PSMD5: variants seen among roughly 807,000 people sequenced by gnomAD.
The protein encoded by PSMD5 is proteasome 26S subunit, non-ATPase 5, also known as 26S proteasome non-ATPase regulatory subunit 5.
PSMD5 carries 40 observed loss-of-function variants against 52.1 expected under a neutral mutation model. The observed-to-expected ratio is 0.77, with a 90% CI of 0.60 to 1.00. The LOEUF (loss-of-function observed/expected upper bound fraction) is 1.00. PSMD5 is among the 50% of genes least tolerant of loss of function. The probability of loss-of-function intolerance (pLI) is 0.00; values close to 1 mark genes in which losing one functional copy is unlikely to be tolerated. For missense variants in PSMD5, 575 were observed against 605.2 expected, an observed-to-expected ratio of 0.95 and a Z score of 0.52; for synonymous variants, 211 against 226.6, an observed-to-expected ratio of 0.93 and a Z score of 0.62.
chr9:120,817,937 A>G lies in PSMD5; in HGVS notation c.1484T>C (p.Val495Ala), dbSNP rs1184093866. ...LSEGPYYVKP[V>A]STTAVEGAE ...GGCTCCTTCTACTGCTGTCGTGGAA[A>G]CAGGTTTCACATAGTATGGCCCTTC... Residue 495 changes from valine to alanine, a missense_variant, in exon 10 of 10, where the codon GTT becomes GCT. Coordinates refer to ENST00000210313, the MANE Select transcript of PSMD5 (RefSeq NM_005047.4). The G allele has an allele frequency of 1.2e-6, 2 of 1,613,652 alleles. No individual in the cohort carries two copies. The highest frequency in any genetic ancestry group is 2.7e-5 in the African/African-American group (2 of 75,052).
chr9:120,828,261 A>C (rs1361053924), intron 5 of PSMD5, among the ~76,000 whole-genome samples: 1 of 151,992 alleles, frequency 6.6e-6, no homozygotes, highest in East Asian at 1.9e-4. Flanking sequence ...CAGCCTCCCA[A>C]AGTGCTGGGA....
chr9:120,837,333 G>A (rs1209866839), intron 1 of PSMD5, among the ~76,000 whole-genome samples: 1 of 152,130 alleles, frequency 6.6e-6, no homozygotes, highest in East Asian at 1.9e-4. Flanking sequence ...AGAACCGAAT[G>A]TTTAATTTTG....
chr9:120,839,825 CAG>C (rs1238057945), intron 1 of PSMD5, among the ~76,000 whole-genome samples: 1 of 97,632 alleles, frequency 1.0e-5, no homozygotes, highest in African/African-American at 3.9e-5. Context: ...TTTTTTTAGA[CAG>C]AGTCTTGGCT....
chr9:120,838,584 G>C (rs1460385351), intron 1 of PSMD5, among the ~76,000 whole-genome samples: 2 of 152,172 alleles, frequency 1.3e-5, no homozygotes, highest in Non-Finnish European at 2.9e-5. Flanking sequence ...ATTCCCACAA[G>C]GTGCAGTTGG....
intron 4 of PSMD5, among the ~76,000 whole-genome samples, chr9:120,829,445 G>A (rs184316173): frequency 1.6e-3 from 250 of 152,304 alleles, no homozygotes; most frequent in African/African-American, 5.8e-3. Context: ...CTAGGCTGGA[G>A]TGCAGTGGCG....
intron 6 of PSMD5, among the ~76,000 whole-genome samples, chr9:120,825,394 T>C (rs2045115426): frequency 6.6e-6 from 1 of 152,206 alleles, no homozygotes; most frequent in South Asian, 2.1e-4. Context: ...ATCTTTATTG[T>C]GAACAATGTA....
intron 2 of PSMD5, among the ~76,000 whole-genome samples, chr9:120,832,169 A>C (rs909239298): frequency 6.6e-6 from 1 of 152,338 alleles, no homozygotes; most frequent in East Asian, 1.9e-4. Flanking sequence ...TAAAGAGGTA[A>C]GATAGTTCAG....
Position 120,826,922 on chromosome 9 carries a change from G to A in PSMD5, c.672-15C>T. 1.3e-6 allele frequency: 2 copies of A among 1,599,368 alleles called. No individual in the cohort carries two copies. The highest frequency in any genetic ancestry group is 1.7e-6 in the Non-Finnish European group (2 of 1,172,460). The stretch of plus-strand genomic sequence containing the variant: ...TACAGGTGGCTCTAAAATGTCAGAA[G>A]GACAAAAACAAGGAGATTTTGCACA... On this transcript the variant is annotated splice_polypyrimidine_tract_variant and intron_variant, in intron 5 of 9. Transcript: ENST00000210313.
intron 9 of PSMD5, among the ~76,000 whole-genome samples, chr9:120,819,993 G>C (rs1353582046): frequency 3.3e-5 from 5 of 152,040 alleles, no homozygotes; most frequent in Non-Finnish European, 5.9e-5. Context: ...TCCCATTATT[G>C]ATATGATTAC....
Position 120,826,878 on chromosome 9 carries a change from A to C in PSMD5, c.701T>G (p.Leu234Arg). 6.2e-7 allele frequency: 1 copy of C among 1,611,642 alleles called. No homozygotes were observed. Among genetic ancestry groups the C allele is most frequent in the Non-Finnish European group, 8.5e-7 (1 of 1,178,766 alleles). Residue 234 changes from leucine (L) to arginine (R), a missense_variant, in exon 6 of 10, where the codon CTG (leucine) becomes CGG (arginine). Physicochemically the swap from Leu to Arg is moderately radical, Grantham distance 102 (BLOSUM62 -2). Coordinates refer to ENST00000210313, the MANE Select transcript of PSMD5 (RefSeq NM_005047.4). ...RATCIEMVTS[L>R]AYTHHGRQYL... Reference sequence around the variant, plus strand: ...TTGTCGCCCATGATGAGTATATGCCAGTGATGTCACCATTTCTATACAGGT... The same window carrying C: ...TTGTCGCCCATGATGAGTATATGCCCGTGATGTCACCATTTCTATACAGGT...
At position 120,821,627 on chromosome 9, in the gene PSMD5, C is replaced by G. The variant is rs1420525369; in HGVS notation, c.1007-163G>C. Among the ~76,000 whole-genome samples the G allele has an allele frequency of 2.0e-5, 3 of 152,184 alleles. No homozygotes were observed. In the East Asian group the frequency reaches 5.8e-4, roughly 29 times the overall value. ...CCATCTCTAGAACTTTTTCATCAAC[C>G]CAAACTGAAACTCTGTATCCATCAA... On this transcript the variant is annotated intron_variant, in intron 7 of 9. Coordinates refer to ENST00000210313, the MANE Select transcript of PSMD5 (RefSeq NM_005047.4).
chr9:120,841,030 G>A (rs1265953637), intron 1 of PSMD5, among the ~76,000 whole-genome samples: 1 of 152,124 alleles, frequency 6.6e-6, no homozygotes, highest in East Asian at 1.9e-4. Context: ...GGGAATACAG[G>A]CGTGAGCCAC....
intron 1 of PSMD5, among the ~76,000 whole-genome samples, chr9:120,837,981 T>C (rs1027347622): frequency 3.9e-4 from 59 of 152,226 alleles, no homozygotes; most frequent in Admixed American, 2.4e-3. Context: ...AAAATAACTA[T>C]GCTATGTGAA....
At chr9:120,827,560 G>A (rs1235047059) in intron 5 of PSMD5, among the ~76,000 whole-genome samples, 1 of 151,968 alleles carries the variant, frequency 6.6e-6, no homozygotes. Flanking sequence ...ACCATTTACA[G>A]GTTTTTTTCT....
At chr9:120,829,745 C>T (rs757826382) in intron 4 of PSMD5, among the ~76,000 whole-genome samples, 5 of 152,140 alleles carry the variant, frequency 3.3e-5, no homozygotes, top group Non-Finnish European at 7.4e-5. Context: ...AGCACTTTCC[C>T]GCCCAAGCAA....
intron 9 of PSMD5, among the ~76,000 whole-genome samples, chr9:120,818,950 A>C (rs1458380741): frequency 6.6e-6 from 1 of 152,208 alleles, no homozygotes; most frequent in Non-Finnish European, 1.5e-5. Flanking sequence ...ATCTAAGAAC[A>C]GAGGAAGGGG....
intron 2 of PSMD5, 96 bp from the exon 3 acceptor site, chr9:120,832,041 A>G: frequency 6.6e-7 from 1 of 1,505,910 alleles, no homozygotes; most frequent in Non-Finnish European, 8.8e-7. Flanking sequence ...TTATTTTAGG[A>G]GTTAGTGATC....
intron 3 of PSMD5, 170 bp downstream of exon 3, chr9:120,831,662 C>T: frequency 2.6e-6 from 3 of 1,143,568 alleles, no homozygotes; most frequent in South Asian, 3.4e-5. Context: ...AAGGGGTTTA[C>T]TAGTATTTAC....
rs781417211 is a variant in PSMD5, at chr9:120,842,890, G to T, written c.20C>A (p.Ala7Glu). Residue 7 changes from alanine to glutamate, a missense_variant, in exon 1 of 10, where the codon GCG becomes GAG. Physicochemically the swap from Ala to Glu is moderately radical, Grantham distance 107. Coordinates refer to ENST00000210313, the MANE Select transcript of PSMD5 (RefSeq NM_005047.4). MAAQAL[A>E]LLREVARLEA... ...CAGCCTCGCTACCTCTCTCAGCAGC[G>T]CCAAAGCCTGGGCTGCCATCTTGCC... is the stretch of plus-strand genomic sequence containing the variant. 1.9e-6 allele frequency: 3 copies of T among 1,592,774 alleles called. No individual in the cohort carries two copies. Among genetic ancestry groups the T allele is most frequent in the African/African-American group, 1.3e-5 (1 of 74,628 alleles).
Sources: allele counts gnomAD v4.1 joint callset (sites outside exome capture counted in the v4.1 genomes callset), GRCh38; gene constraint gnomAD v4.1.1; transcripts MANE v1.5; gene names NCBI Gene and HGNC (gene_info 2026-07-23, HGNC 2026-07-21).